Variants in CNTN3 observed in about 807,000 individuals in gnomAD.
CNTN3 encodes the protein contactin-3.
In CNTN3, 60 loss-of-function variants were observed where a neutral mutation model predicts 119.1. That is an observed-to-expected ratio of 0.50 (90% CI 0.41 to 0.62). The LOEUF (loss-of-function observed/expected upper bound fraction) is 0.62. CNTN3 is among the 20% of genes least tolerant of loss of function. The pLI, the probability that CNTN3 is intolerant of heterozygous loss-of-function variation, is 0.00. For missense variants in CNTN3, 1,101 were observed against 1,242.4 expected, an observed-to-expected ratio of 0.89 and a Z score of 1.71; for synonymous variants, 450 against 438.7, an observed-to-expected ratio of 1.03 and a Z score of -0.32.
At chr3:74,481,228 T>C (rs539201808) in intron 4 of CNTN3, among the ~76,000 whole-genome samples, 4 of 151,894 alleles carry the variant, frequency 2.6e-5, no homozygotes, top group Non-Finnish European at 5.9e-5. Context: ...TATAGGTGAT[T>C]TGAGCAACAT....
At position 74,271,039 on chromosome 3, in the gene CNTN3, C is replaced by T. The variant is rs148295591; in HGVS notation, c.2705-3661G>A. On this transcript the variant is annotated intron_variant, in intron 20 of 22. Coordinates refer to ENST00000263665, the MANE Select transcript of CNTN3 (RefSeq NM_020872.3). Reference sequence around the variant, plus strand: ...TTATTATTGTTGTTCCTTAAGCATCCATCATGATCCTCTGTGCACTTGATT... The same window carrying T: ...TTATTATTGTTGTTCCTTAAGCATCTATCATGATCCTCTGTGCACTTGATT... Among the ~76,000 whole-genome samples the T allele has an allele frequency of 1.3e-3, 196 of 152,238 alleles. 1 individual carries two copies. The highest frequency in any genetic ancestry group is 4.6e-3 in the African/African-American group (192 of 41,548).
At chr3:74,548,739 A>AT (rs1453854211) in intron 1 of CNTN3, among the ~76,000 whole-genome samples, 1 of 152,216 alleles carries the variant, frequency 6.6e-6, no homozygotes, top group East Asian at 1.9e-4. Flanking sequence ...GACCTGCTGT[A>AT]TGCTGTTTCA....
intron 4 of CNTN3, among the ~76,000 whole-genome samples, chr3:74,467,550 A>C (rs7638186): frequency 0.13 from 20,306 of 152,180 alleles, 1,693 homozygotes; most frequent in East Asian, 0.46. Context: ...GAATATTTTT[A>C]GCATCCTACA....
chr3:74,385,066 A>C (rs1040515919), intron 5 of CNTN3, among the ~76,000 whole-genome samples: 1 of 152,168 alleles, frequency 6.6e-6, no homozygotes, highest in Non-Finnish European at 1.5e-5. Context: ...GCTATATTTT[A>C]TTTCTGTCAC....
intron 3 of CNTN3, 56 bp from the exon 4 acceptor site, chr3:74,486,687 C>T (rs1702866003): frequency 2.2e-6 from 3 of 1,375,716 alleles, no homozygotes; most frequent in African/African-American, 1.5e-5. Flanking sequence ...TAAAAGAAGG[C>T]TCTCCATTAT....
At chr3:74,407,262 C>CTAT (rs1701343120) in intron 5 of CNTN3, among the ~76,000 whole-genome samples, 1 of 82,208 alleles carries the variant, frequency 1.2e-5, no homozygotes, top group South Asian at 4.3e-4. Flanking sequence ...GCCAAATATT[C>CTAT]TATTTTTTTT....
chr3:74,482,130 T>C (rs1013145985), intron 4 of CNTN3, among the ~76,000 whole-genome samples: 2 of 151,788 alleles, frequency 1.3e-5, no homozygotes, highest in Admixed American at 1.3e-4. Context: ...TAAGGAATAA[T>C]CTCCAGGTCA....
chr3:74,374,854 A>T (rs1239086411), intron 5 of CNTN3, among the ~76,000 whole-genome samples: 2 of 152,106 alleles, frequency 1.3e-5, no homozygotes, highest in Non-Finnish European at 1.5e-5. Flanking sequence ...GCAAATTAGG[A>T]GGTCTATCTC....
intron 1 of CNTN3, among the ~76,000 whole-genome samples, chr3:74,567,347 AG>A (rs1194998942): frequency 1.6e-5 from 1 of 61,850 alleles, no homozygotes; most frequent in Non-Finnish European, 3.2e-5. Context: ...TTTTGTAGAG[AG>A]GGGGTCTTAC....
intron 17 of CNTN3, among the ~76,000 whole-genome samples, chr3:74,298,889 G>GAA (rs78585763): frequency 0.17 from 9,565 of 54,950 alleles, 1,314 homozygotes; most frequent in African/African-American, 0.45. Flanking sequence ...CTCCATCAAG[G>GAA]AAAAAAAAAA....
intron 1 of CNTN3, among the ~76,000 whole-genome samples, chr3:74,561,184 A>G (rs1559658580): frequency 6.6e-6 from 1 of 151,380 alleles, no homozygotes; most frequent in African/African-American, 2.5e-5. Flanking sequence ...ATAAAAAAAA[A>G]ATAAAAAAAA....
In CNTN3 at chr3:74,559,325, C is replaced by T. The variant is rs370086293; in HGVS notation, c.-80-38133G>A. Among the ~76,000 whole-genome samples, 9 of 152,192 alleles carry T rather than the reference C, an allele frequency of 5.9e-5. No homozygotes were observed. The South Asian group carries it at 1.9e-3, about 32-fold the overall frequency. ...CCAGTGATTTGCATCAGTGGTTTTT[C>T]GGTACTAACAACCCCTGAGATGTTG... On this transcript the variant is annotated intron_variant, in intron 1 of 22. Transcript: ENST00000263665.
chr3:74,365,617 C>T lies in CNTN3; in HGVS notation c.1032G>A (p.Lys344=). 6.2e-7 allele frequency: 1 copy of T among 1,613,526 alleles called. No individual in the cohort carries two copies. The highest frequency in any genetic ancestry group is 8.5e-7 in the Non-Finnish European group (1 of 1,179,594). ...TCAGCCATCGGTAGGAAGGCTTGGG[C>T]TTGCCGCTTGCCCTGCATTCCCAAT... ...SLYWECRASG[K]PKPSYRWLKN... The change falls in exon 9 of 23, where the codon AAG becomes AAA. Residue 344 remains lysine (K), a synonymous_variant. Transcript: ENST00000263665.
At chr3:74,392,389 T>C (rs546222341) in intron 5 of CNTN3, among the ~76,000 whole-genome samples, 1 of 148,876 alleles carries the variant, frequency 6.7e-6, no homozygotes, top group African/African-American at 2.4e-5. Context: ...TTTCCCTCCC[T>C]CCCTCCCTTC....
intron 5 of CNTN3, among the ~76,000 whole-genome samples, chr3:74,381,460 T>C (rs561157783): frequency 6.6e-6 from 1 of 152,290 alleles, no homozygotes. Flanking sequence ...TAGGTCTCTA[T>C]AAATGCTAAT....
intron 10 of CNTN3, 67 bp from the exon 11 acceptor site, chr3:74,362,107 T>G: frequency 2.5e-6 from 4 of 1,569,026 alleles, no homozygotes; most frequent in Non-Finnish European, 3.5e-6. Context: ...ATTTCAAAGG[T>G]CCACTTTTAC....
rs191132049 is a variant in CNTN3 at position 74,403,477 on chromosome 3, C to T, written c.454+21368G>A. Among the ~76,000 whole-genome samples the T allele has an allele frequency of 4.4e-3, 673 of 152,210 alleles. 5 individuals carry two copies. The highest frequency in any genetic ancestry group is 0.016 in the African/African-American group (645 of 41,544). On this transcript the variant is annotated intron_variant, in intron 5 of 22. Coordinates refer to ENST00000263665, the MANE Select transcript of CNTN3 (RefSeq NM_020872.3). ...TAGGAATGAAACCAGAACTCAGACT[C>T]GACCCAGAAACTTCAGTTCAGAAGC...
At chr3:74,606,646 T>C (rs1704997642) in intron 1 of CNTN3, among the ~76,000 whole-genome samples, 1 of 152,088 alleles carries the variant, frequency 6.6e-6, no homozygotes, top group Admixed American at 6.6e-5. Flanking sequence ...AAGCAAGTCA[T>C]AATATAGAAC....
rs531151775 is a variant in CNTN3, at chr3:74,571,293, A to G, written c.-81+43098T>C. On this transcript the variant is annotated intron_variant, in intron 1 of 22. Coordinates refer to ENST00000263665, the MANE Select transcript of CNTN3 (RefSeq NM_020872.3). Reference sequence around the variant, plus strand: ...ACAGCAGCAGCTCTCCACTTGAGTTAGACATTGACTCAGCTGGGGAGCATT... The same window carrying G: ...ACAGCAGCAGCTCTCCACTTGAGTTGGACATTGACTCAGCTGGGGAGCATT... 3.9e-5 allele frequency among the ~76,000 whole-genome samples: 6 copies of G among 152,288 alleles called. No individual in the cohort carries two copies. The East Asian group carries it at 1.2e-3, about 29-fold the overall frequency.
Sources: allele counts gnomAD v4.1 joint callset (sites outside exome capture counted in the v4.1 genomes callset), GRCh38; gene constraint gnomAD v4.1.1; transcripts MANE v1.5; gene names NCBI Gene and HGNC (gene_info 2026-07-23, HGNC 2026-07-21).